NBPF12: variants seen among roughly 807,000 people sequenced by gnomAD.
NBPF12 encodes the protein NBPF family member NBPF12.
A neutral mutation model predicts 146.4 loss-of-function variants in NBPF12; 115 were observed. The ratio of observed to expected loss-of-function variants is 0.79; its 90% CI spans 0.68 to 0.92. The LOEUF is 0.92. Among genes scored for constraint, NBPF12 ranks in the 40% least tolerant of loss-of-function variants. The pLI is 0.00. For synonymous variants in NBPF12, 385 were observed against 508.9 expected (o/e 0.76, Z 3.28); for missense variants, 1,205 against 1,326.8 (o/e 0.91, Z 1.43).
chr1:146,996,066 C>A (rs1340694902), exon 34 of NBPF12: 1 of 139,198 alleles, frequency 7.2e-6, no homozygotes, highest in African/African-American at 2.7e-5. Flanking sequence ...TAATTTTAAT[C>A]TATACAATTA....
At position 146,939,190 on chromosome 1, in the gene NBPF12, C is replaced by T. The variant is rs1465969832; in HGVS notation, c.-822+208C>T. 5.9e-5 allele frequency among the ~76,000 whole-genome samples: 9 copies of T among 152,172 alleles called. 1 individual carries two copies. The highest frequency in any genetic ancestry group is 2.2e-4 in the African/African-American group (9 of 41,452). ...CCTGCCGCTGCAGCCCACAGCCCTC[C>T]TCTCGTGGGCGCTGGGGAAGAAACT... On this transcript the variant is annotated intron_variant, in intron 1 of 35. Coordinates refer to the NBPF12 transcript ENST00000617931.
In NBPF12 at chr1:146,972,968, C is replaced by T; in HGVS notation, c.1801+8C>T. On this transcript the variant is annotated splice_region_variant and intron_variant, in intron 14 of 33. Coordinates refer to ENST00000617844, the Ensembl canonical transcript of NBPF12. Reference sequence around the variant, plus strand: ...AGCAGCAGAACAAATACAGTAAGATCTATATGCTCACCATCATGAAAGTGA... The same window carrying T: ...AGCAGCAGAACAAATACAGTAAGATTTATATGCTCACCATCATGAAAGTGA... 1 of 909,574 alleles carries T rather than the reference C, an allele frequency of 1.1e-6. No individual in the cohort carries two copies. Among genetic ancestry groups the T allele is most frequent in the South Asian group, 1.3e-5 (1 of 77,102 alleles). 56.3% of individuals were successfully genotyped at this position (909,574 alleles called of 1,614,324 possible). A position where few individuals can be genotyped will look rare whatever the true frequency, so the allele number is the denominator to read the frequency against.
intron 10 of NBPF12, 100 bp from the exon 14 acceptor site, chr1:146,969,282 G>C (rs1656423514): frequency 6.4e-6 from 5 of 783,898 alleles, no homozygotes; most frequent in Non-Finnish European, 8.6e-6. Context: ...TCTGCTTGGA[G>C]GTCTCCTTGA....
chr1:146,943,087 G>GTA (rs1654878204), intron 1 of NBPF12, among the ~76,000 whole-genome samples: 2 of 147,492 alleles, frequency 1.4e-5, no homozygotes, highest in African/African-American at 5.0e-5. Flanking sequence ...TTTATTTTCA[G>GTA]AGATGGGGTC....
chr1:146,960,657 C>T (rs1314349615), intron 4 of NBPF12, among the ~76,000 whole-genome samples: 2 of 150,356 alleles, frequency 1.3e-5, no homozygotes, highest in African/African-American at 4.9e-5. Context: ...CAAATAACAT[C>T]TAGTCTGTTG....
chr1:146,978,047 T>C (rs1161267997), intron 18 of NBPF12, among the ~76,000 whole-genome samples: 1 of 151,730 alleles, frequency 6.6e-6, no homozygotes, highest in Non-Finnish European at 1.5e-5. Flanking sequence ...CTTGCCTTTG[T>C]ATTTGGAAAC....
intron 2 of NBPF12, among the ~76,000 whole-genome samples, chr1:146,953,985 T>C (rs1254320661): frequency 6.7e-6 from 1 of 149,204 alleles, no homozygotes; most frequent in East Asian, 2.0e-4. Context: ...GAATGTAAGC[T>C]CTCAATGTAA....
At chr1:146,947,766 G>A (rs1231820544), upstream of NBPF12, among the ~76,000 whole-genome samples, 2 of 150,326 alleles carry the variant, frequency 1.3e-5, no homozygotes, top group Non-Finnish European at 2.9e-5. Flanking sequence ...GTGGACTATT[G>A]TGTTCGTTTT....
intron 13 of NBPF12, 144 bp from the exon 17 acceptor site, chr1:146,972,607 A>G (rs1656724924): frequency 2.5e-6 from 2 of 789,690 alleles, no homozygotes; most frequent in Non-Finnish European, 4.5e-6. Flanking sequence ...GGAGATCAAG[A>G]CTGGAGATGA....
intron 9 of NBPF12, among the ~76,000 whole-genome samples, chr1:146,967,777 T>G (rs1656299681): frequency 6.6e-6 from 1 of 150,404 alleles, no homozygotes; most frequent in African/African-American, 2.5e-5. Flanking sequence ...TACAGTGAAT[T>G]ACATGAGCTA....
At chr1:146,947,217 A>T (rs1553883424), upstream of NBPF12, among the ~76,000 whole-genome samples, 12 of 150,704 alleles carry the variant, frequency 8.0e-5, no homozygotes, top group East Asian at 6.2e-4. Context: ...GTCTTCAAGG[A>T]GTTTTTAATG....
At chr1:146,964,162 G>A (rs1318810025) in intron 6 of NBPF12, among the ~76,000 whole-genome samples, 195 bp from the exon 10 acceptor site, 3 of 148,676 alleles carry the variant, frequency 2.0e-5, no homozygotes, top group African/African-American at 7.6e-5. Context: ...TCTTGATGGT[G>A]GCCCTCCACA....
At chr1:146,971,282 G>C in exon 13 of NBPF12, 2 of 1,612,306 alleles carry the variant, frequency 1.2e-6, no homozygotes, top group Non-Finnish European at 1.7e-6. Flanking sequence ...ACTCCAACCA[G>C]CCTCACAAGA....
chr1:146,959,248 G>A, intron 2 of NBPF12, among the ~76,000 whole-genome samples: 1 of 59,538 alleles, frequency 1.7e-5, no homozygotes, highest in Non-Finnish European at 3.1e-5. Context: ...GGCCGAGGCG[G>A]CAGATCACGA....
chr1:146,971,080 G>T, intron 12 of NBPF12, 103 bp from the exon 16 acceptor site: 1 of 1,583,234 alleles, frequency 6.3e-7, no homozygotes, highest in South Asian at 1.1e-5. Flanking sequence ...TGCTTTCTGG[G>T]ACCACTCTCT....
At chr1:146,944,609 A>G (rs1201025453), upstream of NBPF12, among the ~76,000 whole-genome samples, 1 of 151,556 alleles carries the variant, frequency 6.6e-6, no homozygotes, top group Non-Finnish European at 1.5e-5. Flanking sequence ...CTCTGGCAAC[A>G]GCGGGCCAGA....
At chr1:146,966,553 G>C (rs1656223045) in exon 9 of NBPF12, 3 of 1,412,328 alleles carry the variant, frequency 2.1e-6, no homozygotes, top group Non-Finnish European at 3.0e-6. Context: ...GAACATTCTA[G>C]AAATCAATGA....
intron 33 of NBPF12, 120 bp from the exon 37 acceptor site, chr1:146,994,212 A>G (rs1658375625): frequency 6.3e-7 from 1 of 1,598,960 alleles, no homozygotes. Context: ...TTGTTACCTC[A>G]TTAATGGATC....
chr1:146,991,624 A>C (rs1384894210), intron 30 of NBPF12, among the ~76,000 whole-genome samples: 1 of 151,506 alleles, frequency 6.6e-6, no homozygotes, highest in Non-Finnish European at 1.5e-5. Flanking sequence ...TCAGTGTCTA[A>C]AATTCTTGCA....
Sources: allele counts gnomAD v4.1 joint callset (sites outside exome capture counted in the v4.1 genomes callset), GRCh38; gene constraint gnomAD v4.1.1; transcripts MANE v1.5; gene names NCBI Gene and HGNC (gene_info 2026-07-23, HGNC 2026-07-21).